Variants in KLRD1 observed in about 807,000 individuals in gnomAD.
The protein encoded by KLRD1 is killer cell lectin like receptor D1, also known as natural killer cells antigen CD94.
Under a neutral mutation model 22.6 loss-of-function variants are expected in KLRD1, and 21 were observed. The observed-to-expected ratio is 0.93, with a 90% CI of 0.66 to 1.34. The LOEUF (loss-of-function observed/expected upper bound fraction) is 1.34. Among genes scored for constraint, KLRD1 ranks in the 40% most tolerant of loss-of-function variants. The pLI is 0.00. For synonymous variants in KLRD1, 59 were observed against 71.1 expected, an observed-to-expected ratio of 0.83 and a Z score of 0.85; for missense variants, 183 against 208.6, an observed-to-expected ratio of 0.88 and a Z score of 0.76.
chr12:10,304,441 AGT>A (rs1455149326), upstream of KLRD1: 2 of 151,922 alleles, frequency 1.3e-5, no homozygotes, highest in African/African-American at 4.8e-5. Flanking sequence ...TTTTTTATAT[AGT>A]GTGTTTTGCT....
intron 1 of KLRD1, among the ~76,000 whole-genome samples, chr12:10,270,649 G>C (rs1254403895): frequency 6.6e-6 from 1 of 152,136 alleles, no homozygotes; most frequent in Non-Finnish European, 1.5e-5. Context: ...GGTGCATCCT[G>C]AGAAGATATT....
chr12:10,281,948 G>A (rs971726429), intron 1 of KLRD1, among the ~76,000 whole-genome samples: 2 of 152,248 alleles, frequency 1.3e-5, no homozygotes, highest in Non-Finnish European at 2.9e-5. Context: ...TACATAAATA[G>A]AATTCTGTAG....
At position 10,323,369 on chromosome 12, in the gene KLRD1, T is replaced by G. The variant is rs933364417; in HGVS notation, c.*8576T>G. 1 of 152,224 alleles carries G rather than the reference T, an allele frequency of 6.6e-6. No individual in the cohort carries two copies. The highest frequency in any genetic ancestry group is 1.9e-4 in the East Asian group (1 of 5,206). 9.4% of individuals were successfully genotyped at this position (152,224 alleles called of 1,614,324 possible). On this transcript the variant is annotated 3_prime_UTR_variant, in exon 6 of 6. Transcript: ENST00000336164. ...TAGTCTAAGGACCTTCTGGATACTATGCATTTGCATACAATTGTACATTTA... is the reference window on the plus strand; with the variant it reads ...TAGTCTAAGGACCTTCTGGATACTAGGCATTTGCATACAATTGTACATTTA...
In KLRD1 at chr12:10,239,493, C is replaced by T. The variant is rs1302266753; in HGVS notation, c.-101+13260C>T. Among the ~76,000 whole-genome samples, 16 of 139,150 alleles carry T rather than the reference C, an allele frequency of 1.1e-4. No individual in the cohort carries two copies. The Admixed American group carries it at 1.2e-3, about 10-fold the overall frequency. The allele number at this position is 139,150 out of a possible 152,430, so 91.3% of individuals were successfully genotyped here. A position where few individuals can be genotyped will look rare whatever the true frequency, so the allele number is the denominator to read the frequency against. ...TCCTTCCTTCCTTCCTTCTTCCTTC[C>T]TTCCTTCCTTCCCTCCTTCCCTCCC... is the stretch of plus-strand genomic sequence containing the variant. On this transcript the variant is annotated intron_variant, in intron 1 of 5. Coordinates refer to the KLRD1 transcript ENST00000544747.
intron 1 of KLRD1, among the ~76,000 whole-genome samples, chr12:10,265,884 T>C (rs1003402006): frequency 6.6e-6 from 1 of 152,238 alleles, no homozygotes; most frequent in Non-Finnish European, 1.5e-5. Flanking sequence ...AATTATTTTC[T>C]CCTTTAAACA....
At chr12:10,311,222 T>C (rs150888780) in intron 3 of KLRD1, among the ~76,000 whole-genome samples, 1 of 152,302 alleles carries the variant, frequency 6.6e-6, no homozygotes, top group Non-Finnish European at 1.5e-5. Flanking sequence ...TCACTAAATA[T>C]CGTTAATAAA....
upstream of KLRD1, among the ~76,000 whole-genome samples, chr12:10,302,038 C>T (rs1023598595): frequency 2.6e-5 from 4 of 152,030 alleles, no homozygotes; most frequent in Non-Finnish European, 5.9e-5. Context: ...TTCCTGGTGC[C>T]CCAAAACAAT....
chr12:10,278,360 T>C (rs1949610242), intron 1 of KLRD1, among the ~76,000 whole-genome samples: 1 of 152,184 alleles, frequency 6.6e-6, no homozygotes, highest in South Asian at 2.1e-4. Context: ...ATGGTGCCTG[T>C]CTTATCAAAA....
intron 1 of KLRD1, among the ~76,000 whole-genome samples, chr12:10,248,530 TTTCCTTCCTTCCTTCCTTCC>T (rs547431896): frequency 6.6e-4 from 64 of 96,610 alleles, no homozygotes; most frequent in African/African-American, 2.1e-3. Context: ...TGTATTTTCT[TTTCCTTCCTTCCTTCCTTCC>T]TTCCTTCCTT....
chr12:10,284,571 A>C (rs948036033), intron 1 of KLRD1, among the ~76,000 whole-genome samples: 3 of 152,250 alleles, frequency 2.0e-5, no homozygotes, highest in Non-Finnish European at 2.9e-5. Context: ...GCTGGGTTAT[A>C]GCGTGAATCA....
intron 1 of KLRD1, among the ~76,000 whole-genome samples, chr12:10,274,284 A>T (rs934225894): frequency 4.5e-4 from 68 of 152,194 alleles, no homozygotes; most frequent in African/African-American, 1.5e-3. Context: ...CATTTCAAAA[A>T]AAAATTTTTT....
At chr12:10,311,130 AG>A (rs1245702117) in intron 3 of KLRD1, among the ~76,000 whole-genome samples, 3 of 152,194 alleles carry the variant, frequency 2.0e-5, no homozygotes. Context: ...CCTCAAAAAA[AG>A]GTTCTTGTAA....
intron 1 of KLRD1, among the ~76,000 whole-genome samples, chr12:10,297,784 G>A (rs1949835045): frequency 6.6e-6 from 1 of 152,204 alleles, no homozygotes; most frequent in African/African-American, 2.4e-5. Context: ...TCGGAGTTCT[G>A]CAGACCAAGT....
intron 1 of KLRD1, among the ~76,000 whole-genome samples, chr12:10,250,699 A>G (rs1592024928): frequency 1.3e-5 from 2 of 152,106 alleles, no homozygotes; most frequent in East Asian, 3.9e-4. Context: ...TACCTTTTAA[A>G]CACATTTTAA....
upstream of KLRD1, among the ~76,000 whole-genome samples, chr12:10,299,870 T>C (rs1949852686): frequency 6.6e-6 from 1 of 152,214 alleles, no homozygotes; most frequent in East Asian, 1.9e-4. Context: ...TAAGTTTATG[T>C]ATATTCATAG....
In KLRD1 at chr12:10,308,058, C is replaced by T. The variant is rs777117378; in HGVS notation, c.-20C>T. On this transcript the variant is annotated 5_prime_UTR_variant, in exon 1 of 6. Transcript: ENST00000336164. The stretch of plus-strand genomic sequence containing the variant: ...TACACATCGTGCCTTCTCTACTTCG[C>T]TCTTGGAACATAATTTCTCATGGCA... 9.9e-6 allele frequency: 16 copies of T among 1,610,310 alleles called. No homozygotes were observed. The East Asian group carries it at 2.9e-4, about 29-fold the overall frequency.
intron 1 of KLRD1, among the ~76,000 whole-genome samples, chr12:10,268,717 A>G (rs551508875): frequency 6.6e-6 from 1 of 152,294 alleles, no homozygotes; most frequent in Admixed American, 6.5e-5. Flanking sequence ...GTTGAATACT[A>G]ATAGTTATAG....
chr12:10,256,869 C>T (rs1208130509), intron 1 of KLRD1, among the ~76,000 whole-genome samples: 3 of 151,894 alleles, frequency 2.0e-5, no homozygotes, highest in Non-Finnish European at 4.4e-5. Flanking sequence ...CTCTCTCTAG[C>T]TTTTCTCTTA....
At chr12:10,294,343 A>G (rs1283995453) in intron 1 of KLRD1, among the ~76,000 whole-genome samples, 1 of 152,180 alleles carries the variant, frequency 6.6e-6, no homozygotes, top group Non-Finnish European at 1.5e-5. Flanking sequence ...GTCAAAGTGC[A>G]TCCTCCTAGA....
Sources: allele counts gnomAD v4.1 joint callset (sites outside exome capture counted in the v4.1 genomes callset), GRCh38; gene constraint gnomAD v4.1.1; transcripts MANE v1.5; gene names NCBI Gene and HGNC (gene_info 2026-07-23, HGNC 2026-07-21).